The following WRN variants were observed in gnomAD, a reference collection of about 807,000 sequenced individuals.
WRN encodes WRN RecQ like helicase, also known as bifunctional 3'-5' exonuclease/ATP-dependent helicase WRN.
In WRN, 149 loss-of-function variants were observed where a neutral mutation model predicts 180.7. That is an observed-to-expected ratio of 0.82 (90% CI 0.72 to 0.94). The LOEUF is 0.94. Among genes scored for constraint, WRN ranks in the 40% least tolerant of loss-of-function variants. The pLI, the probability that WRN is intolerant of heterozygous loss-of-function variation, is 0.00. For missense variants in WRN, 1,661 were observed against 1,700.1 expected, an observed-to-expected ratio of 0.98 and a Z score of 0.40; for synonymous variants, 548 against 568.9, an observed-to-expected ratio of 0.96 and a Z score of 0.52.
intron 24 of WRN, 34 bp downstream of exon 24, chr8:31,132,540 C>G: frequency 6.2e-7 from 1 of 1,613,250 alleles, no homozygotes. Flanking sequence ...CTTCATAGAT[C>G]TTCTTTTACT....
chr8:31,133,974 T>C (rs1445380007), intron 24 of WRN, among the ~76,000 whole-genome samples: 3 of 152,170 alleles, frequency 2.0e-5, no homozygotes, highest in Non-Finnish European at 4.4e-5. Flanking sequence ...ATTTCACCTA[T>C]TAAAAAACCA....
rs1471521778 is a variant in WRN, at chr8:31,083,710, C to A, written c.1281C>A (p.Pro427=). The A allele has an allele frequency of 6.8e-6, 11 of 1,610,802 alleles. No individual in the cohort carries two copies. Among genetic ancestry groups the A allele is most frequent in the Non-Finnish European group, 9.3e-6 (11 of 1,177,958 alleles). ...TACTTTTTTTAAAGCATTTATCTCC[C>A]AATGATAATGAAAACGATACGTCCT... ...IAYKSTEHLS[P]NDNENDTSYV... The change falls in exon 10 of 35, where the codon CCC becomes CCA. Residue 427 remains proline, a synonymous_variant. Transcript: ENST00000298139.
intron 18 of WRN, among the ~76,000 whole-genome samples, chr8:31,107,066 GCT>G (rs1801125007): frequency 2.0e-5 from 3 of 152,184 alleles, no homozygotes; most frequent in Admixed American, 2.0e-4. Context: ...CCCTCAGGTA[GCT>G]CATAGTTCAG....
chr8:31,153,201 T>C (rs1027661838), intron 31 of WRN, among the ~76,000 whole-genome samples: 1 of 152,152 alleles, frequency 6.6e-6, no homozygotes, highest in Admixed American at 6.5e-5. Context: ...TACACTGATA[T>C]TTATACACAC....
intron 30 of WRN, among the ~76,000 whole-genome samples, chr8:31,147,956 C>T (rs923160063): frequency 1.4e-5 from 2 of 147,668 alleles, no homozygotes; most frequent in Non-Finnish European, 3.0e-5. Context: ...GGTGCGATCA[C>T]TGCTCACTGC....
At chr8:31,050,231 T>C (rs1025995624) in intron 1 of WRN, among the ~76,000 whole-genome samples, 7 of 152,060 alleles carry the variant, frequency 4.6e-5, no homozygotes, top group African/African-American at 1.4e-4. Context: ...GGAAATAAGA[T>C]TGTTAGGTTA....
intron 11 of WRN, among the ~76,000 whole-genome samples, chr8:31,087,403 T>G (rs1400207946): frequency 1.3e-5 from 2 of 152,228 alleles, no homozygotes; most frequent in African/African-American, 2.4e-5. Context: ...ATAGAGAAAC[T>G]TGTTCCAAAA....
rs587778752 is a variant in WRN at position 31,167,090 on chromosome 8, G to A, written c.4051G>A (p.Ala1351Thr). Reference protein sequence around the residue: ...ENIDTYLIHMAIEILKHGPDS... With the variant: ...ENIDTYLIHMTIEILKHGPDS... ...CATTGACACGTACCTTATCCACATG[G>A]CAATTGAGATCCTTAAACATGGTCC... Residue 1351 changes from alanine to threonine, a missense_variant, in exon 34 of 35, where the codon GCA becomes ACA. This residue lies in a region of WRN where 1,141 missense variants were observed against 1,149.4 expected (regional missense o/e 0.99). Coordinates refer to ENST00000298139, the MANE Select transcript of WRN (RefSeq NM_000553.6). 1.2e-6 allele frequency: 2 copies of A among 1,613,294 alleles called. No homozygotes were observed. Among genetic ancestry groups the A allele is most frequent in the Non-Finnish European group, 1.7e-6 (2 of 1,179,520 alleles).
chr8:31,100,178 C>G (rs1021352418), intron 17 of WRN, among the ~76,000 whole-genome samples: 1 of 152,168 alleles, frequency 6.6e-6, no homozygotes, highest in African/African-American at 2.4e-5. Flanking sequence ...ACAATAACAT[C>G]CTTTTCTGAC....
chr8:31,113,842 T>C (rs1443719514), intron 19 of WRN, among the ~76,000 whole-genome samples: 1 of 152,192 alleles, frequency 6.6e-6, no homozygotes, highest in Non-Finnish European at 1.5e-5. Context: ...CTCTCCCCAG[T>C]GCCCCTTGTT....
intron 34 of WRN, chr8:31,171,721 A>G (rs1180615954): frequency 3.9e-5 from 6 of 152,234 alleles, no homozygotes; most frequent in Non-Finnish European, 8.8e-5. Context: ...ATAAAGTTTC[A>G]GAGTCTTCTG....
intron 18 of WRN, among the ~76,000 whole-genome samples, chr8:31,107,535 T>C (rs1801143419): frequency 6.6e-6 from 1 of 152,118 alleles, no homozygotes; most frequent in Admixed American, 6.5e-5. Context: ...GAAAACGTTT[T>C]TCCCCTGGTG....
At chr8:31,093,302 G>A (rs1215906795) in intron 16 of WRN, among the ~76,000 whole-genome samples, 1 of 152,108 alleles carries the variant, frequency 6.6e-6, no homozygotes, top group East Asian at 1.9e-4. Flanking sequence ...GTGGATATAT[G>A]TTTAACTTTC....
chr8:31,038,115 G>A (rs925959713), intron 1 of WRN, among the ~76,000 whole-genome samples: 1 of 151,840 alleles, frequency 6.6e-6, no homozygotes, highest in Non-Finnish European at 1.5e-5. Context: ...ATATACCTAC[G>A]TGTGGACTTA....
At chr8:31,150,492 A>G (rs750680935) in intron 31 of WRN, 37 bp downstream of exon 31, 5 of 1,586,834 alleles carry the variant, frequency 3.2e-6, no homozygotes, top group Admixed American at 3.3e-5. Flanking sequence ...CTTAGAGAAT[A>G]AGCATTTTTT....
chr8:31,170,563 C>A (rs1357729966), intron 34 of WRN, among the ~76,000 whole-genome samples: 2 of 152,106 alleles, frequency 1.3e-5, no homozygotes, highest in Non-Finnish European at 2.9e-5. Context: ...ATGTAACTTA[C>A]ATATTTCTGT....
chr8:31,092,875 C>T (rs1813809866), intron 16 of WRN, among the ~76,000 whole-genome samples: 1 of 152,098 alleles, frequency 6.6e-6, no homozygotes, highest in Non-Finnish European at 1.5e-5. Context: ...AGACTTCTTT[C>T]ATTTGCTGTA....
chr8:31,070,920 C>T (rs1247531773), intron 7 of WRN, among the ~76,000 whole-genome samples: 1 of 151,972 alleles, frequency 6.6e-6, no homozygotes. Flanking sequence ...GTGACGGGCA[C>T]CTGTAATCCC....
chr8:31,134,403 G>T (rs2130384556), intron 24 of WRN, among the ~76,000 whole-genome samples: 1 of 152,248 alleles, frequency 6.6e-6, no homozygotes, highest in Non-Finnish European at 1.5e-5. Flanking sequence ...TTTCTGAATA[G>T]TATAAACAGT....
Sources: allele counts gnomAD v4.1 joint callset (sites outside exome capture counted in the v4.1 genomes callset), GRCh38; gene constraint gnomAD v4.1.1; regional missense constraint gnomAD v4.1.1; transcripts MANE v1.5; gene names NCBI Gene and HGNC (gene_info 2026-07-23, HGNC 2026-07-21).